The following ANXA6 variants were observed in gnomAD, a reference collection of about 807,000 sequenced individuals.
The protein encoded by ANXA6 is 67 kDa calelectrin.
Under a neutral mutation model 95.4 loss-of-function variants are expected in ANXA6, and 71 were observed. That is an observed-to-expected ratio of 0.74 (90% CI 0.61 to 0.91). ANXA6 has a LOEUF of 0.91. Among genes scored for constraint, ANXA6 ranks in the 40% least tolerant of loss-of-function variants. ANXA6 has a pLI of 0.00. For missense variants in ANXA6, 830 were observed against 876.4 expected (o/e 0.95, Z 0.67); for synonymous variants, 289 against 315.9 (o/e 0.91, Z 0.90).
intron 2 of ANXA6, among the ~76,000 whole-genome samples, chr5:151,144,575 G>C (rs1342784239): frequency 6.6e-6 from 1 of 152,102 alleles, no homozygotes; most frequent in Non-Finnish European, 1.5e-5. Context: ...GGATGAGGCA[G>C]CACGCAGACC....
At chr5:151,152,913 T>A (rs575453767) in intron 1 of ANXA6, among the ~76,000 whole-genome samples, 29 of 152,162 alleles carry the variant, frequency 1.9e-4, no homozygotes, top group Admixed American at 1.9e-3. Flanking sequence ...GGAAAGGAGA[T>A]GTTGAGCGTA....
At chr5:151,139,227 GGGTAA>G in intron 4 of ANXA6, 121 bp downstream of exon 4, 1 of 666,920 alleles carries the variant, frequency 1.5e-6, no homozygotes, top group Non-Finnish European at 2.6e-6. Flanking sequence ...AAAAAGAGCA[GGGTAA>G]GGTGTCAGCC....
rs1764541667 is a variant in ANXA6 at position 151,101,318 on chromosome 5, G to A, written c.*130C>T. On this transcript the variant is annotated 3_prime_UTR_variant, in exon 26 of 26. Transcript: ENST00000354546. Reference sequence around the variant, plus strand: ...GTTTCCTAAGCTCCACTGAAGATAAGAGCCCAACCCAACCCCTCCCCCCAC... The same window carrying A: ...GTTTCCTAAGCTCCACTGAAGATAAAAGCCCAACCCAACCCCTCCCCCCAC... 3 of 648,846 alleles carry A rather than the reference G, an allele frequency of 4.6e-6. No homozygotes were observed. Among genetic ancestry groups the A allele is most frequent in the Non-Finnish European group, 8.3e-6 (3 of 360,474 alleles). 40.2% of individuals were successfully genotyped at this position (648,846 alleles called of 1,614,324 possible).
intron 2 of ANXA6, among the ~76,000 whole-genome samples, chr5:151,141,880 G>A (rs1043616320): frequency 6.6e-6 from 1 of 152,146 alleles, no homozygotes. Flanking sequence ...TACTGCCAGC[G>A]CTCCCCTTGG....
intron 4 of ANXA6, 29 bp downstream of exon 4, chr5:151,139,324 C>G (rs1350916135): frequency 6.6e-7 from 1 of 1,513,234 alleles, no homozygotes; most frequent in South Asian, 1.2e-5. Context: ...CCACCCGCAC[C>G]CCATGGGCCC....
intron 1 of ANXA6, among the ~76,000 whole-genome samples, chr5:151,157,424 A>C (rs1288349368): frequency 1.3e-5 from 2 of 151,422 alleles, no homozygotes; most frequent in Non-Finnish European, 2.9e-5. Flanking sequence ...GACCCTCTGC[A>C]GCAACGGGAC....
intron 14 of ANXA6, among the ~76,000 whole-genome samples, 162 bp from the exon 15 acceptor site, chr5:151,124,529 CGA>C (rs1168899215): frequency 8.1e-5 from 12 of 148,464 alleles, no homozygotes; most frequent in African/African-American, 2.8e-4. Context: ...AGACCCTGCA[CGA>C]GAGCTGAGAG....
intron 2 of ANXA6, among the ~76,000 whole-genome samples, chr5:151,142,765 C>T (rs1765871283): frequency 6.6e-6 from 1 of 152,230 alleles, no homozygotes; most frequent in Admixed American, 6.5e-5. Flanking sequence ...AAGGGGAAGA[C>T]AGTGAAGGGA....
chr5:151,148,967 G>C (rs146992029), intron 1 of ANXA6, among the ~76,000 whole-genome samples: 41 of 151,912 alleles, frequency 2.7e-4, no homozygotes, highest in African/African-American at 9.9e-4. Context: ...TTGAGCCCAG[G>C]AGTTCGAGAC....
At chr5:151,129,553 A>C in intron 11 of ANXA6, 24 bp from the exon 12 acceptor site, 1 of 1,584,796 alleles carries the variant, frequency 6.3e-7, no homozygotes, top group Non-Finnish European at 8.6e-7. Flanking sequence ...GGGTTTGGGG[A>C]ACATGGACTT....
chr5:151,104,585 C>T (rs1764642920), intron 24 of ANXA6, among the ~76,000 whole-genome samples: 1 of 152,226 alleles, frequency 6.6e-6, no homozygotes, highest in South Asian at 2.1e-4. Context: ...AGGCTTGACA[C>T]ATCGTGAGTG....
At chr5:151,140,032 C>A in intron 3 of ANXA6, 121 bp downstream of exon 3, 1 of 700,068 alleles carries the variant, frequency 1.4e-6, no homozygotes, top group Non-Finnish European at 2.3e-6. Context: ...AAGAGGAGAC[C>A]AAAAAAATGA....
intron 24 of ANXA6, among the ~76,000 whole-genome samples, chr5:151,104,135 C>T (rs11950244): frequency 0.011 from 1,718 of 152,284 alleles, 34 homozygotes; most frequent in African/African-American, 0.04. Flanking sequence ...ACACCAAGGA[C>T]TTCTGGCAAC....
chr5:151,118,769 T>A (rs1017229765), intron 18 of ANXA6, among the ~76,000 whole-genome samples: 2 of 151,944 alleles, frequency 1.3e-5, no homozygotes, highest in African/African-American at 4.8e-5. Context: ...GGTTTTGCCA[T>A]GTCGCCCAGG....
chr5:151,122,727 A>G (rs145685826), intron 16 of ANXA6, among the ~76,000 whole-genome samples, 190 bp downstream of exon 16: 9 of 152,282 alleles, frequency 5.9e-5, no homozygotes, highest in African/African-American at 1.9e-4. Flanking sequence ...CATCACAAGG[A>G]ACTGGGGGCA....
Position 151,110,530 on chromosome 5 carries a change from G to T in ANXA6, c.1590+97C>A, listed in dbSNP as rs982081994. The T allele has an allele frequency of 3.5e-5, 48 of 1,368,988 alleles. No individual in the cohort carries two copies. The African/African-American group carries it at 6.4e-4, about 18-fold the overall frequency. 84.8% of individuals were successfully genotyped at this position (1,368,988 alleles called of 1,614,324 possible). The stretch of plus-strand genomic sequence containing the variant: ...GGGAGAGAGAGAAGCCGCACAGCAA[G>T]CTCCCAAATCACTGCTCGATACTGC... On this transcript the variant is annotated intron_variant, in intron 21 of 25. Coordinates refer to ENST00000354546, the MANE Select transcript of ANXA6 (RefSeq NM_001155.5).
At position 151,139,365 on chromosome 5, in the gene ANXA6, G is replaced by A; in HGVS notation, c.192C>T (p.Ser64=). The A allele has an allele frequency of 1.2e-6, 2 of 1,611,690 alleles. No individual in the cohort carries two copies. The highest frequency in any genetic ancestry group is 1.7e-6 in the Non-Finnish European group (2 of 1,178,586). ...TTGCTGTGGTTACCTTGCCGTAGAG[G>A]GACTTGTAGCTCTGGCAGACCTCCT... ...QRQEVCQSYK[S]LYGKDLIADL... The change falls in exon 4 of 26, where the codon TCC becomes TCT. Residue 64 remains serine, a synonymous_variant. Transcript: ENST00000354546.
At chr5:151,143,083 G>C (rs62379697) in intron 2 of ANXA6, among the ~76,000 whole-genome samples, 14,238 of 152,272 alleles carry the variant, frequency 0.094, 834 homozygotes, top group South Asian at 0.17. Context: ...AGAACTAAAT[G>C]AGGAAGGTAG....
intron 1 of ANXA6, among the ~76,000 whole-genome samples, chr5:151,148,790 C>A (rs1766032854): frequency 6.6e-6 from 1 of 152,062 alleles, no homozygotes; most frequent in South Asian, 2.1e-4. Context: ...AAGTGAGGAA[C>A]CACCACGAGC....
Sources: gnomAD v4.1 joint callset for allele counts (sites outside exome capture counted in the v4.1 genomes callset) on GRCh38, gnomAD v4.1.1 for gene constraint, MANE v1.5 for transcripts, NCBI Gene and HGNC (gene_info 2026-07-23, HGNC 2026-07-21) for gene names.